The following ME1 variants were observed in gnomAD, a reference collection of about 807,000 sequenced individuals.
The protein encoded by ME1 is malic enzyme 1.
Under a neutral mutation model 66.4 loss-of-function variants are expected in ME1, and 74 were observed. That is an observed-to-expected ratio of 1.11 (90% CI 0.92 to 1.35). ME1 has a LOEUF of 1.35. Ranked by LOEUF, ME1 falls within the 40% of genes most tolerant of loss-of-function variation. ME1 has a pLI of 0.00. For synonymous variants in ME1, 251 were observed against 235.6 expected, an observed-to-expected ratio of 1.07 and a Z score of -0.60; for missense variants, 750 against 694.1, an observed-to-expected ratio of 1.08 and a Z score of -0.90.
chr6:83,268,630 A>G (rs1767030210), intron 6 of ME1, among the ~76,000 whole-genome samples: 1 of 151,888 alleles, frequency 6.6e-6, no homozygotes, highest in African/African-American at 2.4e-5. Context: ...CAATGGTACA[A>G]TCTCAGCTCA....
chr6:83,227,627 G>A, intron 10 of ME1, 150 bp from the exon 11 acceptor site: 1 of 579,776 alleles, frequency 1.7e-6, no homozygotes, highest in Admixed American at 3.7e-5. Context: ...CAAGTATAGT[G>A]ACAAAAAGAG....
At chr6:83,294,001 AG>A (rs761308095) in intron 6 of ME1, among the ~76,000 whole-genome samples, 17 of 152,242 alleles carry the variant, frequency 1.1e-4, no homozygotes, top group Non-Finnish European at 2.4e-4. Context: ...AGTTTAAATA[AG>A]AAAACTAAGA....
intron 5 of ME1, among the ~76,000 whole-genome samples, chr6:83,342,369 G>A (rs1263255107): frequency 6.6e-6 from 1 of 152,144 alleles, no homozygotes; most frequent in Non-Finnish European, 1.5e-5. Flanking sequence ...TATAATAACT[G>A]TCAGAGAATT....
intron 5 of ME1, among the ~76,000 whole-genome samples, chr6:83,329,801 T>G (rs1259811174): frequency 6.6e-6 from 1 of 152,148 alleles, no homozygotes; most frequent in Non-Finnish European, 1.5e-5. Context: ...CTTTAAAGTG[T>G]TCTCTTTTTT....
At chr6:83,263,773 CATAACATAACAT>C (rs1300040425) in intron 6 of ME1, among the ~76,000 whole-genome samples, 10 of 40,382 alleles carry the variant, frequency 2.5e-4, no homozygotes, top group African/African-American at 1.6e-3. Context: ...CATAACATAA[CATAACATAACAT>C]AACATAACAT....
intron 12 of ME1, 53 bp from the exon 13 acceptor site, chr6:83,216,649 G>C (rs1448631411): frequency 4.1e-6 from 5 of 1,209,076 alleles, no homozygotes; most frequent in Non-Finnish European, 5.9e-6. Flanking sequence ...GATACAATGT[G>C]GTGGGTACGC....
chr6:83,367,452 T>C (rs753960458), intron 3 of ME1, among the ~76,000 whole-genome samples: 22 of 152,218 alleles, frequency 1.4e-4, no homozygotes, highest in Non-Finnish European at 1.8e-4. Flanking sequence ...GGCATCTTCT[T>C]CCAATAGAAG....
chr6:83,242,799 C>T, intron 7 of ME1, among the ~76,000 whole-genome samples: 1 of 152,106 alleles, frequency 6.6e-6, no homozygotes, highest in East Asian at 1.9e-4. Flanking sequence ...GAGCAAATGG[C>T]AACTGACTTA....
chr6:83,427,320 AG>A (rs1770391916), intron 1 of ME1, among the ~76,000 whole-genome samples: 1 of 152,186 alleles, frequency 6.6e-6, no homozygotes, highest in African/African-American at 2.4e-5. Context: ...AATTCTCTTA[AG>A]TTTTTTGAAA....
intron 3 of ME1, among the ~76,000 whole-genome samples, chr6:83,387,096 T>A (rs1387454068): frequency 6.6e-6 from 1 of 152,198 alleles, no homozygotes; most frequent in Non-Finnish European, 1.5e-5. Flanking sequence ...ACCATGTTTC[T>A]TTTCCATAAA....
intron 6 of ME1, among the ~76,000 whole-genome samples, chr6:83,256,408 A>C (rs528076870): frequency 6.6e-6 from 1 of 152,320 alleles, no homozygotes; most frequent in Admixed American, 6.5e-5. Context: ...TTCAACAGTA[A>C]GGTTTATGTG....
Position 83,271,150 on chromosome 6 carries a change from C to T in ME1, c.705-17412G>A, listed in dbSNP as rs896823346. On this transcript the variant is annotated intron_variant, in intron 6 of 13. Transcript: ENST00000369705. ...GCCCATAATTTGGGACTATTCCCAC[C>T]TCAGATTACTTGCTGATACAGCACT... Among the ~76,000 whole-genome samples, 4 of 152,078 alleles carry T rather than the reference C, an allele frequency of 2.6e-5. 1 individual carries two copies. The highest frequency in any genetic ancestry group is 4.8e-5 in the African/African-American group (2 of 41,422).
chr6:83,275,129 T>A (rs1269071971), intron 6 of ME1, among the ~76,000 whole-genome samples: 2 of 151,430 alleles, frequency 1.3e-5, no homozygotes, highest in African/African-American at 2.4e-5. Flanking sequence ...AGGTAAGGAG[T>A]TCAAGACCAG....
At chr6:83,307,042 T>G (rs1324598436) in intron 6 of ME1, among the ~76,000 whole-genome samples, 3 of 152,144 alleles carry the variant, frequency 2.0e-5, no homozygotes, top group African/African-American at 7.2e-5. Context: ...TTGCTAAAGT[T>G]CTGGCTTCTC....
intron 2 of ME1, among the ~76,000 whole-genome samples, chr6:83,399,882 T>C (rs1032783664): frequency 2.0e-5 from 3 of 152,092 alleles, no homozygotes; most frequent in Non-Finnish European, 4.4e-5. Context: ...ACCCAGAAAA[T>C]AAACATGTGG....
chr6:83,250,178 G>GT (rs3032823), intron 7 of ME1, among the ~76,000 whole-genome samples: 91 of 149,814 alleles, frequency 6.1e-4, no homozygotes, highest in Middle Eastern at 3.4e-3. Context: ...TTTCAGATCT[G>GT]TTTTTTTTTA....
intron 1 of ME1, among the ~76,000 whole-genome samples, chr6:83,412,418 T>C (rs528939125): frequency 2.0e-5 from 3 of 152,314 alleles, no homozygotes; most frequent in Admixed American, 2.0e-4. Context: ...TCTAGAATAA[T>C]ACTTGTGTGG....
rs556605084 is a variant in ME1, at chr6:83,242,143, G to A, written c.815-2507C>T. The stretch of plus-strand genomic sequence containing the variant: ...CTCCCAAAGTGCTGGGATTACAGGC[G>A]TGATGAGCCACTGAGCCCCGCCTGT... On this transcript the variant is annotated intron_variant, in intron 7 of 13. Transcript: ENST00000369705. 5.1e-4 allele frequency among the ~76,000 whole-genome samples: 78 copies of A among 152,242 alleles called. No homozygotes were observed. The East Asian group carries it at 7.5e-3, about 15-fold the overall frequency.
Position 83,349,002 on chromosome 6 carries a change from C to CA in ME1, c.439-2669dup, listed in dbSNP as rs1162695341. Among the ~76,000 whole-genome samples, 740 of 122,030 alleles carry CA rather than the reference C, an allele frequency of 6.1e-3. 27 individuals carry two copies. The highest frequency in any genetic ancestry group is 0.024 in the African/African-American group (703 of 29,334). 80.1% of individuals were successfully genotyped at this position (122,030 alleles called of 152,430 possible). The stretch of plus-strand genomic sequence containing the variant: ...TCTGTCTCAAAAAAAAAAAAAAAAA[C>CA]AAAAAACAAAAAACAGTGCATTCTT... On this transcript the variant is annotated intron_variant, in intron 4 of 13. Transcript: ENST00000369705.
Sources: gnomAD v4.1 joint callset for allele counts (sites outside exome capture counted in the v4.1 genomes callset) on GRCh38, gnomAD v4.1.1 for gene constraint, MANE v1.5 for transcripts, NCBI Gene and HGNC (gene_info 2026-07-23, HGNC 2026-07-21) for gene names.